BICD1: variants seen among roughly 807,000 people sequenced by gnomAD.
The protein encoded by BICD1 is protein bicaudal D homolog 1.
A neutral mutation model predicts 92.5 loss-of-function variants in BICD1; 35 were observed. That is an observed-to-expected ratio of 0.38 (90% CI 0.29 to 0.50). The LOEUF (loss-of-function observed/expected upper bound fraction) is 0.50. Ranked by LOEUF, BICD1 falls within the 20% of genes least tolerant of loss-of-function variation. BICD1 has a pLI of 0.93. For synonymous variants in BICD1, 429 were observed against 465.1 expected (o/e 0.92, Z 1.00); for missense variants, 950 against 1,189.8 (o/e 0.80, Z 2.97).
At chr12:32,276,188 C>A (rs1947272057) in intron 2 of BICD1, among the ~76,000 whole-genome samples, 1 of 152,162 alleles carries the variant, frequency 6.6e-6, no homozygotes. Context: ...CCTGGACCGG[C>A]CTGCTAGCCC....
intron 1 of BICD1, among the ~76,000 whole-genome samples, chr12:32,143,743 A>G (rs1943022803): frequency 6.6e-6 from 1 of 152,146 alleles, no homozygotes; most frequent in Non-Finnish European, 1.5e-5. Flanking sequence ...CGATCATACC[A>G]ATTTATTTAC....
In BICD1 at chr12:32,379,285, T is replaced by C. The variant is rs1333753835; in HGVS notation, c.*1658T>C. 2.0e-5 allele frequency: 3 copies of C among 152,194 alleles called. No individual in the cohort carries two copies. Among genetic ancestry groups the C allele is most frequent in the African/African-American group, 7.2e-5 (3 of 41,446 alleles). The allele number at this position is 152,194 out of a possible 1,614,324, so 9.4% of individuals were successfully genotyped here. On this transcript the variant is annotated 3_prime_UTR_variant, in exon 10 of 10. Coordinates refer to ENST00000652176, the MANE Select transcript of BICD1 (RefSeq NM_001714.4). ...CCAAATGGTAAGTCGTAAAGCACAT[T>C]GCAGGAGCTTTCGTTAGTCATACGC...
chr12:32,125,884 A>G (rs1220627668), intron 1 of BICD1, among the ~76,000 whole-genome samples: 1 of 151,724 alleles, frequency 6.6e-6, no homozygotes, highest in African/African-American at 2.4e-5. Flanking sequence ...TCTAAAAAAA[A>G]AAAAAAATGC....
rs191895004 is a variant in BICD1 at position 32,173,203 on chromosome 12, C to A, written c.214-43044C>A. ...GCTGGGACTAAGGCTCACCACCACC[C>A]CTGGCTAATTTTTTTTGTTTGTTTT... On this transcript the variant is annotated intron_variant, in intron 1 of 9. Transcript: ENST00000652176. Among the ~76,000 whole-genome samples the A allele has an allele frequency of 3.0e-3, 450 of 152,250 alleles. 1 individual carries two copies. The highest frequency in any genetic ancestry group is 0.02 in the Middle Eastern group (6 of 294).
intron 1 of BICD1, among the ~76,000 whole-genome samples, chr12:32,209,311 A>G (rs888097728): frequency 3.3e-5 from 5 of 152,226 alleles, no homozygotes; most frequent in Admixed American, 2.0e-4. Context: ...AAATATTTGA[A>G]GTAGAAGAAA....
rs148636145 is a variant in BICD1 at position 32,301,787 on chromosome 12, A to G, written c.580-3910A>G. On this transcript the variant is annotated intron_variant, in intron 3 of 9. Coordinates refer to ENST00000652176, the MANE Select transcript of BICD1 (RefSeq NM_001714.4). Reference sequence around the variant, plus strand: ...AAGACCCTGTCACAAACAAACAAACAAAAGAAAAAGTAGATGGAAAAGGAA... The same window carrying G: ...AAGACCCTGTCACAAACAAACAAACGAAAGAAAAAGTAGATGGAAAAGGAA... Among the ~76,000 whole-genome samples the G allele has an allele frequency of 6.3e-3, 955 of 152,306 alleles. 11 individuals carry two copies. The highest frequency in any genetic ancestry group is 0.014 in the African/African-American group (593 of 41,572).
chr12:32,126,701 G>A (rs1942354385), intron 1 of BICD1, among the ~76,000 whole-genome samples: 1 of 151,976 alleles, frequency 6.6e-6, no homozygotes, highest in Non-Finnish European at 1.5e-5. Context: ...AGGTTGCAGT[G>A]AGCCGAGATC....
At chr12:32,338,405 A>G (rs1422625235) in intron 7 of BICD1, 2 of 180,938 alleles carry the variant, frequency 1.1e-5, no homozygotes, top group Non-Finnish European at 1.1e-5. Flanking sequence ...GCATGGGAAT[A>G]TTGCCCAGAG....
intron 2 of BICD1, among the ~76,000 whole-genome samples, chr12:32,230,438 ATAAATAAGCAAG>A (rs1945846472): frequency 2.6e-5 from 1 of 38,312 alleles, no homozygotes; most frequent in Non-Finnish European, 5.1e-5. Context: ...AAATAAATAA[ATAAATAAGCAAG>A]CAAATAAATA....
At chr12:32,295,081 C>CG (rs201523556) in intron 3 of BICD1, among the ~76,000 whole-genome samples, 2,870 of 41,882 alleles carry the variant, frequency 0.069, 103 homozygotes, top group African/African-American at 0.25. Flanking sequence ...GATTCCGTCT[C>CG]GAAAAAAAAA....
chr12:32,202,064 T>C (rs1944919329), intron 1 of BICD1, among the ~76,000 whole-genome samples: 1 of 152,214 alleles, frequency 6.6e-6, no homozygotes, highest in Non-Finnish European at 1.5e-5. Flanking sequence ...ATAATACTTA[T>C]GGAACAGTGG....
chr12:32,142,674 T>C lies in BICD1; in HGVS notation c.213+35130T>C, dbSNP rs113483119. ...CACCATATTTGAGGGCTTCATTAGTTTTCTAAGCCTTAAAAAAATTTCATC... is the reference window on the plus strand; with the variant it reads ...CACCATATTTGAGGGCTTCATTAGTCTTCTAAGCCTTAAAAAAATTTCATC... On this transcript the variant is annotated intron_variant, in intron 1 of 9. Coordinates refer to ENST00000652176, the MANE Select transcript of BICD1 (RefSeq NM_001714.4). Among the ~76,000 whole-genome samples the C allele has an allele frequency of 3.9e-3, 569 of 144,840 alleles. 2 individuals are homozygous for C. The highest frequency in any genetic ancestry group is 0.014 in the African/African-American group (535 of 39,022).
At chr12:32,359,952 G>C (rs1258382564) in intron 8 of BICD1, among the ~76,000 whole-genome samples, 2 of 152,100 alleles carry the variant, frequency 1.3e-5, no homozygotes, top group Non-Finnish European at 1.5e-5. Context: ...TTGGGAGGCC[G>C]AGGCAGGCAG....
At chr12:32,319,061 A>G (rs1948580568) in intron 4 of BICD1, among the ~76,000 whole-genome samples, 1 of 152,166 alleles carries the variant, frequency 6.6e-6, no homozygotes, top group Non-Finnish European at 1.5e-5. Context: ...ATTTCTATTA[A>G]TATTTACAAG....
rs1334150756 is a variant in BICD1, at chr12:32,282,199, CTTCTTTTTTTTTTT to C, written c.427-11792_427-11779del. The stretch of plus-strand genomic sequence containing the variant: ...AAAGCAAGACCCAGCTTCAGGTCTT[CTTCTTTTTTTTTTT>C]TTTTTTTTTTTTTTTTTTTTTTTTT... On this transcript the variant is annotated intron_variant, in intron 2 of 9. Coordinates refer to ENST00000652176, the MANE Select transcript of BICD1 (RefSeq NM_001714.4). Among the ~76,000 whole-genome samples the C allele has an allele frequency of 2.3e-3, 162 of 69,010 alleles. 4 individuals are homozygous for C. Among genetic ancestry groups the C allele is most frequent in the African/African-American group, 6.7e-3 (122 of 18,318 alleles). 45.3% of individuals were successfully genotyped at this position (69,010 alleles called of 152,430 possible). A position where few individuals can be genotyped will look rare whatever the true frequency, so the allele number is the denominator to read the frequency against.
At chr12:32,115,841 G>A (rs146781921) in intron 1 of BICD1, among the ~76,000 whole-genome samples, 2 of 152,166 alleles carry the variant, frequency 1.3e-5, no homozygotes, top group African/African-American at 2.4e-5. Context: ...TTCCATGGCC[G>A]GCAAGAGCCA....
intron 2 of BICD1, among the ~76,000 whole-genome samples, chr12:32,246,098 G>A (rs553933050): frequency 6.8e-6 from 1 of 146,836 alleles, no homozygotes; most frequent in East Asian, 2.0e-4. Flanking sequence ...AAACCCAAAG[G>A]CATATTTAAA....
intron 1 of BICD1, among the ~76,000 whole-genome samples, chr12:32,112,265 C>T (rs1351663857): frequency 1.3e-5 from 2 of 152,202 alleles, no homozygotes; most frequent in African/African-American, 4.8e-5. Flanking sequence ...CTCAGCCTCC[C>T]AAAGTGCTGG....
chr12:32,336,027 C>A (rs1163947172), intron 6 of BICD1, among the ~76,000 whole-genome samples: 1 of 152,176 alleles, frequency 6.6e-6, no homozygotes, highest in Admixed American at 6.6e-5. Flanking sequence ...AAAAAAAGAT[C>A]TCTTGAGCTT....
Sources: allele counts gnomAD v4.1 joint callset (sites outside exome capture counted in the v4.1 genomes callset), GRCh38; gene constraint gnomAD v4.1.1; transcripts MANE v1.5; gene names NCBI Gene and HGNC (gene_info 2026-07-23, HGNC 2026-07-21).